Variants in SGCD observed in about 807,000 individuals in gnomAD.
The protein encoded by SGCD is sarcoglycan delta, also known as delta-sarcoglycan.
Under a neutral mutation model 36.6 loss-of-function variants are expected in SGCD, and 18 were observed. That is an observed-to-expected ratio of 0.49 (90% confidence interval 0.34 to 0.73). The LOEUF (loss-of-function observed/expected upper bound fraction) is 0.73, where lower values mean the gene tolerates loss of function less well. SGCD is among the 30% of genes least tolerant of loss of function. The pLI, the probability that SGCD is intolerant of heterozygous loss-of-function variation, is 0.01. For missense variants in SGCD, 387 were observed against 346.7 expected, an observed-to-expected ratio of 1.12 and a Z score of -0.92; for synonymous variants, 133 against 130.6, an observed-to-expected ratio of 1.02 and a Z score of -0.12.
At chr5:156,076,490 G>A (rs1312307082) in intron 1 of SGCD, among the ~76,000 whole-genome samples, 2 of 152,186 alleles carry the variant, frequency 1.3e-5, no homozygotes, top group Non-Finnish European at 2.9e-5. Context: ...TCTAAGGCAT[G>A]TGGGAAGGAT....
chr5:156,513,867 T>G (rs2127883973), intron 4 of SGCD, among the ~76,000 whole-genome samples: 1 of 152,378 alleles, frequency 6.6e-6, no homozygotes, highest in Non-Finnish European at 1.5e-5. Context: ...GTACAGCTTC[T>G]AAGTGGTAAA....
rs534909367 is a variant in SGCD at position 155,958,291 on chromosome 5, C to T, written c.-282+87867C>T. On this transcript the variant is annotated intron_variant, in intron 1 of 9. Transcript: ENST00000517913. ...GTTCTGTGTGGTTTAGGTATATGAA[C>T]TAAACTAATTCTCAGAGCAAGACTA... Among the ~76,000 whole-genome samples the T allele has an allele frequency of 6.8e-4, 103 of 152,134 alleles. 2 individuals carry two copies. The South Asian group carries it at 0.019, about 28-fold the overall frequency.
chr5:155,892,267 C>A (rs1756149601), intron 1 of SGCD, among the ~76,000 whole-genome samples: 1 of 151,868 alleles, frequency 6.6e-6, no homozygotes, highest in African/African-American at 2.4e-5. Flanking sequence ...ACCATCCTGG[C>A]CAACATGGTG....
At chr5:155,814,767 C>T in the SGCD span, among the ~76,000 whole-genome samples, 1 of 152,154 alleles carries the variant, frequency 6.6e-6, no homozygotes, top group Non-Finnish European at 1.5e-5. Context: ...CCTAACTCAT[C>T]AACCACAAAC....
intron 3 of SGCD, among the ~76,000 whole-genome samples, chr5:156,438,173 A>G (rs981044882): frequency 6.6e-6 from 1 of 152,176 alleles, no homozygotes; most frequent in Non-Finnish European, 1.5e-5. Context: ...AAAACCATAA[A>G]TGAGTTAATG....
intron 1 of SGCD, among the ~76,000 whole-genome samples, chr5:155,910,974 C>A (rs1415685904): frequency 6.6e-6 from 1 of 152,060 alleles, no homozygotes; most frequent in Non-Finnish European, 1.5e-5. Flanking sequence ...TGGTATTTAG[C>A]TGCTTGTTCT....
chr5:156,315,308 A>AT (rs1168552346), intron 3 of SGCD, among the ~76,000 whole-genome samples: 35 of 150,466 alleles, frequency 2.3e-4, no homozygotes, highest in African/African-American at 8.1e-4. Flanking sequence ...ATCATGCAGT[A>AT]TTTGTCTTTC....
At chr5:156,073,620 T>C (rs929784710) in intron 1 of SGCD, among the ~76,000 whole-genome samples, 36 of 152,196 alleles carry the variant, frequency 2.4e-4, no homozygotes, top group Non-Finnish European at 4.7e-4. Context: ...TCTATTCGTG[T>C]ACAGAGTAAT....
At chr5:156,291,077 A>G (rs929145562) in intron 3 of SGCD, among the ~76,000 whole-genome samples, 2 of 152,148 alleles carry the variant, frequency 1.3e-5, no homozygotes, top group Admixed American at 1.3e-4. Context: ...AGGCAACTCT[A>G]CATGACTCTG....
At chr5:155,936,192 G>A (rs1288693042) in intron 1 of SGCD, among the ~76,000 whole-genome samples, 1 of 152,194 alleles carries the variant, frequency 6.6e-6, no homozygotes, top group Non-Finnish European at 1.5e-5. Flanking sequence ...TGGCGAGAAA[G>A]GGGTGCGTTT....
At chr5:156,337,732 AAT>A (rs1415312347) in intron 2 of SGCD, among the ~76,000 whole-genome samples, 1 of 152,210 alleles carries the variant, frequency 6.6e-6, no homozygotes, top group Non-Finnish European at 1.5e-5. Context: ...CTCTCATTAA[AAT>A]ATGAGCTTGA....
chr5:155,760,167 C>T, the SGCD span, among the ~76,000 whole-genome samples: 1 of 151,138 alleles, frequency 6.6e-6, no homozygotes, highest in African/African-American at 2.4e-5. Context: ...CACCATCATC[C>T]TCACCAACAC....
the SGCD span, among the ~76,000 whole-genome samples, chr5:155,848,255 T>C: frequency 1.6e-4 from 25 of 152,102 alleles, no homozygotes; most frequent in South Asian, 4.8e-3. Flanking sequence ...GATGAGGGAA[T>C]TGAGTGAGCC....
At chr5:156,123,557 T>C (rs941172075) in intron 2 of SGCD, among the ~76,000 whole-genome samples, 1 of 152,166 alleles carries the variant, frequency 6.6e-6, no homozygotes, top group Non-Finnish European at 1.5e-5. Context: ...CAATGAATTA[T>C]CATGGAAAAT....
At chr5:156,141,741 A>T (rs1010717906) in intron 3 of SGCD, among the ~76,000 whole-genome samples, 5 of 152,246 alleles carry the variant, frequency 3.3e-5, no homozygotes, top group Non-Finnish European at 7.3e-5. Context: ...GTAAATGGGA[A>T]GGAACCCATT....
chr5:156,164,343 T>C (rs1380695674), intron 3 of SGCD, among the ~76,000 whole-genome samples: 1 of 152,116 alleles, frequency 6.6e-6, no homozygotes, highest in African/African-American at 2.4e-5. Flanking sequence ...AGTTTCTTAT[T>C]CTCCTTTCAT....
At chr5:156,244,041 A>T (rs1383066683) in intron 3 of SGCD, among the ~76,000 whole-genome samples, 2 of 152,032 alleles carry the variant, frequency 1.3e-5, no homozygotes, top group Admixed American at 6.6e-5. Flanking sequence ...CCCTGCAGAA[A>T]CTCCCCTAAT....
chr5:156,287,078 C>A (rs932125467), intron 3 of SGCD, among the ~76,000 whole-genome samples: 7 of 152,256 alleles, frequency 4.6e-5, no homozygotes, highest in South Asian at 2.1e-4. Flanking sequence ...ACAAATAGCA[C>A]ACTCAGTGAT....
chr5:155,922,112 C>G (rs936166858), intron 1 of SGCD, among the ~76,000 whole-genome samples: 5 of 152,192 alleles, frequency 3.3e-5, no homozygotes, highest in East Asian at 1.9e-4. Context: ...AAAATACTAA[C>G]TAGCTCTATG....
Sources: gnomAD v4.1 joint callset for allele counts (sites outside exome capture counted in the v4.1 genomes callset) on GRCh38, gnomAD v4.1.1 for gene constraint, MANE v1.5 for transcripts, NCBI Gene and HGNC (gene_info 2026-07-23, HGNC 2026-07-21) for gene names.